SYT1: variants seen among roughly 807,000 people sequenced by gnomAD.
SYT1 encodes the protein synaptotagmin-1.
A neutral mutation model predicts 44.8 loss-of-function variants in SYT1; 8 were observed. The ratio of observed to expected loss-of-function variants is 0.18; its 90% confidence interval spans 0.10 to 0.32. The LOEUF (loss-of-function observed/expected upper bound fraction) is 0.32. Among genes scored for constraint, SYT1 ranks in the 10% least tolerant of loss-of-function variants. The probability of loss-of-function intolerance (pLI) is 1.00; values close to 1 mark genes in which losing one functional copy is unlikely to be tolerated. For missense variants in SYT1, 286 were observed against 509.3 expected (o/e 0.56, Z 4.22); for synonymous variants, 154 against 188.8 (o/e 0.82, Z 1.51).
chr12:79,078,140 C>G (rs1876786783), intron 3 of SYT1, among the ~76,000 whole-genome samples: 1 of 152,090 alleles, frequency 6.6e-6, no homozygotes, highest in Non-Finnish European at 1.5e-5. Flanking sequence ...CCTTTACTCA[C>G]TGGTCATTGT....
intron 4 of SYT1, among the ~76,000 whole-genome samples, chr12:79,278,634 A>G (rs1878871866): frequency 6.6e-6 from 1 of 152,010 alleles, no homozygotes; most frequent in African/African-American, 2.4e-5. Flanking sequence ...CCAAACCCAA[A>G]CCTAGCAGAA....
intron 9 of SYT1, among the ~76,000 whole-genome samples, chr12:79,410,327 G>A (rs1358245): frequency 0.14 from 20,654 of 151,894 alleles, 1,811 homozygotes; most frequent in Middle Eastern, 0.34. Flanking sequence ...GTTCAATACA[G>A]TTTTTCTCTC....
chr12:79,032,218 T>G (rs764763978), intron 2 of SYT1, among the ~76,000 whole-genome samples: 3 of 151,280 alleles, frequency 2.0e-5, no homozygotes, highest in Non-Finnish European at 3.0e-5. Context: ...GAACCTTATA[T>G]GTATATACCA....
intron 4 of SYT1, among the ~76,000 whole-genome samples, chr12:79,284,825 G>T (rs529794678): frequency 1.0e-4 from 15 of 142,940 alleles, no homozygotes; most frequent in South Asian, 7.0e-4. Context: ...GCAAGAGAGC[G>T]AGACTCCATC....
intron 2 of SYT1, among the ~76,000 whole-genome samples, chr12:79,025,523 GA>G (rs1403675947): frequency 2.6e-5 from 4 of 151,492 alleles, no homozygotes; most frequent in African/African-American, 9.7e-5. Context: ...AAAAGAACTC[GA>G]AGTACACTGT....
chr12:79,263,334 A>G (rs1293082009), intron 4 of SYT1, among the ~76,000 whole-genome samples: 1 of 150,916 alleles, frequency 6.6e-6, no homozygotes, highest in Non-Finnish European at 1.5e-5. Context: ...ATAATACTTA[A>G]TTTAAAATAA....
In SYT1 at chr12:79,449,017, C is replaced by T; in HGVS notation, c.1162C>T (p.Leu388=). 1.2e-6 allele frequency: 2 copies of T among 1,614,218 alleles called. No individual in the cohort carries two copies. The highest frequency in any genetic ancestry group is 1.1e-5 in the South Asian group (1 of 91,090). ...GGGCTACAACAGCACCGGCGCGGAG[C>T]TGCGACACTGGTCAGACATGCTGGC... ...FVGYNSTGAE[L]RHWSDMLANP... is the part of the protein sequence containing the mutation. The change falls in exon 11 of 11, where the codon CTG becomes TTG. Residue 388 remains leucine, a synonymous_variant. Coordinates refer to ENST00000261205, the MANE Select transcript of SYT1 (RefSeq NM_005639.3).
At chr12:79,088,188 C>T (rs1397651236) in intron 3 of SYT1, among the ~76,000 whole-genome samples, 1 of 151,928 alleles carries the variant, frequency 6.6e-6, no homozygotes, top group Admixed American at 6.6e-5. Context: ...CTAGTAACTG[C>T]TACTGGTTAT....
chr12:79,330,072 T>C (rs1433555831), intron 8 of SYT1, among the ~76,000 whole-genome samples: 1 of 152,110 alleles, frequency 6.6e-6, no homozygotes, highest in Non-Finnish European at 1.5e-5. Flanking sequence ...TCTTAGTCAA[T>C]CTGTTTAACT....
chr12:78,948,368 A>T (rs1031968503), intron 1 of SYT1, among the ~76,000 whole-genome samples: 1 of 151,996 alleles, frequency 6.6e-6, no homozygotes, highest in African/African-American at 2.4e-5. Flanking sequence ...TGCCTTTTAA[A>T]TTTGTATAAT....
chr12:79,006,713 C>G (rs912393121), intron 2 of SYT1, among the ~76,000 whole-genome samples: 5 of 152,086 alleles, frequency 3.3e-5, no homozygotes, highest in Non-Finnish European at 7.4e-5. Context: ...TCTCGGAAAG[C>G]TTCAGAGCTT....
At chr12:78,890,292 T>C (rs1246645967) in intron 1 of SYT1, among the ~76,000 whole-genome samples, 1 of 151,882 alleles carries the variant, frequency 6.6e-6, no homozygotes, top group African/African-American at 2.4e-5. Flanking sequence ...TGAATTTCCA[T>C]AGTGGGAGGG....
chr12:79,029,294 T>G (rs1162277933), intron 2 of SYT1, among the ~76,000 whole-genome samples: 1 of 150,976 alleles, frequency 6.6e-6, no homozygotes, highest in Non-Finnish European at 1.5e-5. Flanking sequence ...CAGTACAAAT[T>G]GTTTTTGTTT....
intron 1 of SYT1, among the ~76,000 whole-genome samples, chr12:78,974,184 C>T (rs1868641932): frequency 6.7e-6 from 1 of 150,200 alleles, no homozygotes; most frequent in Non-Finnish European, 1.5e-5. Flanking sequence ...ACACTGTAGA[C>T]AATTGTAACA....
At position 79,438,726 on chromosome 12, in the gene SYT1, A is replaced by G. The variant is rs771911253; in HGVS notation, c.929-5347A>G. 2.9e-4 allele frequency among the ~76,000 whole-genome samples: 44 copies of G among 152,306 alleles called. 1 individual carries two copies. Among genetic ancestry groups the G allele is most frequent in the South Asian group, 2.7e-3 (13 of 4,828 alleles). On this transcript the variant is annotated intron_variant, in intron 9 of 10. Coordinates refer to ENST00000261205, the MANE Select transcript of SYT1 (RefSeq NM_005639.3). Reference sequence around the variant, plus strand: ...GTGAGACCAAAGTAGTCATCTGGTCACCATGCTAGGATCCTCTGCTTCCCT... The same window carrying G: ...GTGAGACCAAAGTAGTCATCTGGTCGCCATGCTAGGATCCTCTGCTTCCCT...
chr12:79,444,805 T>A (rs536215692), intron 10 of SYT1, among the ~76,000 whole-genome samples: 2 of 152,174 alleles, frequency 1.3e-5, no homozygotes, highest in African/African-American at 4.8e-5. Flanking sequence ...AATATCCTTG[T>A]AGTTAATATG....
chr12:79,248,314 G>GA (rs892376836), intron 4 of SYT1, among the ~76,000 whole-genome samples: 6 of 152,118 alleles, frequency 3.9e-5, no homozygotes, highest in African/African-American at 7.2e-5. Flanking sequence ...AAATATATTA[G>GA]AAAAAAACTA....
chr12:78,944,333 TA>T (rs1422009075), intron 1 of SYT1, among the ~76,000 whole-genome samples: 2 of 151,874 alleles, frequency 1.3e-5, no homozygotes, highest in Non-Finnish European at 2.9e-5. Context: ...TTCCTGGAGA[TA>T]AAGGCTTAGT....
At chr12:79,230,269 T>A (rs1875792334) in intron 4 of SYT1, among the ~76,000 whole-genome samples, 1 of 152,204 alleles carries the variant, frequency 6.6e-6, no homozygotes, top group South Asian at 2.1e-4. Flanking sequence ...TTGTGATTTT[T>A]AAAAAATCTT....
Sources: gnomAD v4.1 joint callset for allele counts (sites outside exome capture counted in the v4.1 genomes callset) on GRCh38, gnomAD v4.1.1 for gene constraint, MANE v1.5 for transcripts, NCBI Gene and HGNC (gene_info 2026-07-23, HGNC 2026-07-21) for gene names.